The following ULK4 variants were observed in gnomAD, a reference collection of about 807,000 sequenced individuals.
ULK4 encodes the protein inactive serine/threonine-protein kinase ULK4.
A neutral mutation model predicts 160.6 loss-of-function variants in ULK4; 133 were observed. The observed-to-expected ratio is 0.83, with a 90% CI of 0.72 to 0.96. The LOEUF is 0.96. Among genes scored for constraint, ULK4 ranks in the 40% least tolerant of loss-of-function variants. The pLI is 0.00. For missense variants in ULK4, 1,580 were observed against 1,499.5 expected, an observed-to-expected ratio of 1.05 and a Z score of -0.89; for synonymous variants, 534 against 539.8, an observed-to-expected ratio of 0.99 and a Z score of 0.15.
At chr3:41,875,382 C>T (rs1479413321) in intron 17 of ULK4, among the ~76,000 whole-genome samples, 1 of 152,012 alleles carries the variant, frequency 6.6e-6, no homozygotes, top group Non-Finnish European at 1.5e-5. Flanking sequence ...ACACAGCAAG[C>T]ATTCAATAAA....
At chr3:41,749,447 C>A (rs2038540757) in intron 22 of ULK4, among the ~76,000 whole-genome samples, 1 of 152,166 alleles carries the variant, frequency 6.6e-6, no homozygotes, top group Admixed American at 6.5e-5. Flanking sequence ...CACACCACTG[C>A]ACTACAGCCT....
intron 22 of ULK4, among the ~76,000 whole-genome samples, chr3:41,725,084 C>T (rs2037603364): frequency 6.6e-6 from 1 of 152,070 alleles, no homozygotes; most frequent in Non-Finnish European, 1.5e-5. Flanking sequence ...CTTTTAATGT[C>T]TTTGAATGAA....
intron 32 of ULK4, among the ~76,000 whole-genome samples, chr3:41,555,405 C>G (rs1402923182): frequency 2.0e-5 from 3 of 151,024 alleles, no homozygotes; most frequent in South Asian, 4.2e-4. Flanking sequence ...ATACATGAAA[C>G]CAACAAACAT....
At chr3:41,880,811 C>G (rs898307278) in intron 17 of ULK4, among the ~76,000 whole-genome samples, 10 of 152,118 alleles carry the variant, frequency 6.6e-5, no homozygotes, top group Non-Finnish European at 1.5e-5. Flanking sequence ...GTGGTCCAAG[C>G]TACTCGTGAA....
At chr3:41,584,269 G>A (rs2030614685) in intron 31 of ULK4, among the ~76,000 whole-genome samples, 2 of 152,118 alleles carry the variant, frequency 1.3e-5, no homozygotes, top group African/African-American at 2.4e-5. Flanking sequence ...CTGAACTATG[G>A]ATCATAACAT....
intron 17 of ULK4, among the ~76,000 whole-genome samples, chr3:41,872,436 T>C (rs1327070732): frequency 1.3e-5 from 2 of 152,214 alleles, no homozygotes; most frequent in East Asian, 3.8e-4. Flanking sequence ...TGCACCACCC[T>C]TTCCCAGCAG....
At chr3:41,492,306 C>T (rs1421571243) in intron 32 of ULK4, among the ~76,000 whole-genome samples, 1 of 152,156 alleles carries the variant, frequency 6.6e-6, no homozygotes, top group Non-Finnish European at 1.5e-5. Context: ...GGAATCGCCA[C>T]ACTGACTTCC....
intron 31 of ULK4, among the ~76,000 whole-genome samples, chr3:41,582,155 GTC>G (rs891510743): frequency 1.3e-5 from 2 of 152,144 alleles, no homozygotes; most frequent in Admixed American, 1.3e-4. Context: ...TAGTGAATAT[GTC>G]TCATAAGATC....
intron 17 of ULK4, among the ~76,000 whole-genome samples, chr3:41,874,680 T>C (rs1697232754): frequency 6.6e-6 from 1 of 152,098 alleles, no homozygotes; most frequent in Admixed American, 6.6e-5. Context: ...GTATACAGAA[T>C]GGTATAATGG....
At chr3:41,251,532 G>C (rs1019153969) in intron 35 of ULK4, among the ~76,000 whole-genome samples, 12 of 152,154 alleles carry the variant, frequency 7.9e-5, no homozygotes, top group Non-Finnish European at 1.8e-4. Context: ...TCTTAGCCTG[G>C]ATGCAACAAA....
chr3:41,730,327 A>C (rs2037781401), intron 22 of ULK4, among the ~76,000 whole-genome samples: 1 of 152,202 alleles, frequency 6.6e-6, no homozygotes, highest in African/African-American at 2.4e-5. Flanking sequence ...GACTTTTTAA[A>C]AGACAAAAGG....
chr3:41,558,968 T>C (rs1167202062), intron 32 of ULK4, among the ~76,000 whole-genome samples: 1 of 135,312 alleles, frequency 7.4e-6, no homozygotes, highest in African/African-American at 2.5e-5. Flanking sequence ...GCTGGTGTGC[T>C]GCACCCATTA....
At chr3:41,853,632 T>C (rs1330887274) in intron 17 of ULK4, among the ~76,000 whole-genome samples, 1 of 152,168 alleles carries the variant, frequency 6.6e-6, no homozygotes, top group African/African-American at 2.4e-5. Context: ...CTGAAACAAC[T>C]GCAGCCCACT....
At chr3:41,575,131 C>A (rs2088143640) in intron 31 of ULK4, among the ~76,000 whole-genome samples, 1 of 152,110 alleles carries the variant, frequency 6.6e-6, no homozygotes, top group South Asian at 2.1e-4. Flanking sequence ...AAATACTGAC[C>A]CCTAAGGGTG....
chr3:41,842,861 A>G (rs2041969750), intron 17 of ULK4, among the ~76,000 whole-genome samples: 1 of 152,220 alleles, frequency 6.6e-6, no homozygotes, highest in African/African-American at 2.4e-5. Flanking sequence ...AGAATTCAGA[A>G]ATAGCTCCAC....
At chr3:41,773,247 AG>A (rs2039469604) in intron 21 of ULK4, among the ~76,000 whole-genome samples, 3 of 152,214 alleles carry the variant, frequency 2.0e-5, no homozygotes, top group Admixed American at 1.3e-4. Flanking sequence ...AAGGAAATAA[AG>A]GGCATTCAAT....
chr3:41,916,810 C>T (rs1033438704), intron 7 of ULK4, among the ~76,000 whole-genome samples: 3 of 149,664 alleles, frequency 2.0e-5, no homozygotes, highest in African/African-American at 4.9e-5. Context: ...CAGGTATATG[C>T]GATTCTCCTG....
intron 20 of ULK4, among the ~76,000 whole-genome samples, chr3:41,792,326 T>G (rs2040174660): frequency 6.6e-6 from 1 of 152,080 alleles, no homozygotes; most frequent in African/African-American, 2.4e-5. Flanking sequence ...AAATAAAAAT[T>G]GTGAAAGTTT....
intron 35 of ULK4, among the ~76,000 whole-genome samples, chr3:41,330,540 G>A (rs1219190798): frequency 2.0e-5 from 3 of 152,220 alleles, no homozygotes; most frequent in African/African-American, 4.8e-5. Context: ...CATCAATGAC[G>A]CTGTAAGAAG....
Sources: gnomAD v4.1 joint callset for allele counts (sites outside exome capture counted in the v4.1 genomes callset) on GRCh38, gnomAD v4.1.1 for gene constraint, MANE v1.5 for transcripts, NCBI Gene and HGNC (gene_info 2026-07-23, HGNC 2026-07-21) for gene names.